The following ADAMTS4 variants were observed in gnomAD, a reference collection of about 807,000 sequenced individuals.
The protein encoded by ADAMTS4 is ADAM metallopeptidase with thrombospondin type 1 motif 4.
Under a neutral mutation model 66.7 loss-of-function variants are expected in ADAMTS4, and 38 were observed. The observed-to-expected ratio is 0.57, with a 90% CI of 0.44 to 0.75. The LOEUF is 0.75. Among genes scored for constraint, ADAMTS4 ranks in the 30% least tolerant of loss-of-function variants. The probability of loss-of-function intolerance (pLI) is 0.00; values close to 1 mark genes in which losing one functional copy is unlikely to be tolerated. For synonymous variants in ADAMTS4, 418 were observed against 461.5 expected, an observed-to-expected ratio of 0.91 and a Z score of 1.21; for missense variants, 1,014 against 1,116.7, an observed-to-expected ratio of 0.91 and a Z score of 1.31.
chr1:161,198,284 G>A lies in ADAMTS4; in HGVS notation c.344C>T (p.Ala115Val), dbSNP rs751288859. The change falls in exon 1 of 9, where the codon GCG (alanine) becomes GTG (valine). Residue 115 changes from alanine (A) to valine (V), a missense_variant. By Grantham distance (64) the Ala-to-Val change is moderately conservative. Transcript: ENST00000367996. This position sits in a 1 kb window ranked among gnomAD's most constrained non-coding sequence, Gnocchi z 4.7. ...EGLTVQYLGQAPELLGGAEPG... is the reference protein window; with the variant it reads ...EGLTVQYLGQVPELLGGAEPG... ...CTCTGCTCCACCCAGCAGCTCAGGC[G>A]CCTGGCCCAGGTACTGCACTGTCAG... 17 of 1,613,612 alleles carry A rather than the reference G, an allele frequency of 1.1e-5. No individual in the cohort carries two copies. In the East Asian group the frequency reaches 2.2e-4, roughly 21 times the overall value.
chr1:161,196,599 C>G lies in ADAMTS4; in HGVS notation c.915G>C (p.Ser305=), dbSNP rs150760814. The G allele has an allele frequency of 5.0e-6, 8 of 1,614,068 alleles. No homozygotes were observed. The Admixed American group carries it at 1.0e-4, about 20-fold the overall frequency. ...WQRGLNTPED[S]DPDHFDTAIL... is the part of the protein sequence containing the mutation. ...TGGCTGTGTCAAAGTGGTCAGGGTC[C>G]GAGTCCTCAGGGGTGTTGAGGCCCC... The change falls in exon 2 of 9, where the codon TCG becomes TCC. Residue 305 remains serine, a synonymous_variant. Transcript: ENST00000367996.
intron 3 of ADAMTS4, 154 bp downstream of exon 3, chr1:161,196,017 T>C: frequency 3.3e-6 from 3 of 912,678 alleles, no homozygotes; most frequent in Admixed American, 3.2e-5. Flanking sequence ...AAAATGTAAA[T>C]GTATGTCTAC....
rs1415855826 is a variant in ADAMTS4, at chr1:161,191,100, G to A, written c.*38C>T. 1 of 1,511,714 alleles carries A rather than the reference G, an allele frequency of 6.6e-7. No homozygotes were observed. The highest frequency in any genetic ancestry group is 8.8e-7 in the Non-Finnish European group (1 of 1,131,532). The allele number at this position is 1,511,714 out of a possible 1,614,324, so 93.6% of individuals were successfully genotyped here. A position where few individuals can be genotyped will look rare whatever the true frequency, so the allele number is the denominator to read the frequency against. On this transcript the variant is annotated 3_prime_UTR_variant, in exon 9 of 9. Transcript: ENST00000367996. ...CTCTCTTTCTCCCAGCTAAGTCCGAGGCCCCGGTGCCCAGAAAGGGCAGCC... is the reference window on the plus strand; with the variant it reads ...CTCTCTTTCTCCCAGCTAAGTCCGAAGCCCCGGTGCCCAGAAAGGGCAGCC...
chr1:161,191,455 C>G lies in ADAMTS4; in HGVS notation c.2197G>C (p.Asp733His), dbSNP rs537956227. 6 of 1,614,204 alleles carry G rather than the reference C, an allele frequency of 3.7e-6. No homozygotes were observed. In the African/African-American group the frequency reaches 5.3e-5, roughly 14 times the overall value. ...RSIYLALKLP[D>H]GSYALNGEYT... ...TCACCATTGAGGGCATAGGAGCCATCTGGCAGCTTCAGGGCCAAGTAGATG... is the reference window on the plus strand; with the variant it reads ...TCACCATTGAGGGCATAGGAGCCATGTGGCAGCTTCAGGGCCAAGTAGATG... Residue 733 changes from aspartate (D) to histidine (H), a missense_variant, in exon 9 of 9, where the codon GAT (aspartate) becomes CAT (histidine). Transcript: ENST00000367996.
intron 3 of ADAMTS4, 95 bp from the exon 4 acceptor site, chr1:161,195,730 A>C (rs1189435583): frequency 7.9e-7 from 1 of 1,271,708 alleles, no homozygotes; most frequent in Non-Finnish European, 1.1e-6. Flanking sequence ...GGATGATCAG[A>C]TCCATTACCC....
rs1664676315 is a variant in ADAMTS4 at position 161,191,392 on chromosome 1, G to A, written c.2260C>T (p.Pro754Ser). 6.2e-7 allele frequency: 1 copy of A among 1,614,092 alleles called. No homozygotes were observed. Residue 754 changes from proline to serine, a missense_variant, in exon 9 of 9, where the codon CCT becomes TCT. Pro to Ser is a moderately conservative substitution (Grantham distance 74). Transcript: ENST00000367996. ...CTGTAGCGCAAGCTGACTGCCCCAG[G>A]CAGTACCACATCTGTGGGGGAGGGC... Reference protein sequence around the residue: ...LMPSPTDVVLPGAVSLRYSGA... With the variant: ...LMPSPTDVVLSGAVSLRYSGA...
At chr1:161,196,045 G>C (rs1571583639) in intron 3 of ADAMTS4, 126 bp downstream of exon 3, 1 of 1,198,562 alleles carries the variant, frequency 8.3e-7, no homozygotes, top group East Asian at 2.5e-5. Flanking sequence ...GCAGAGAGGA[G>C]TAATAGCCCT....
rs777313414 is a variant in ADAMTS4 at position 161,198,006 on chromosome 1, G to A, written c.622C>T (p.Arg208Ter). Reference sequence around the variant, plus strand: ...CCAGAGATGCCTACCTTGGCTCTTCGGGGTCTGGGGCTGGGGCTTCCAAGA... The same window carrying A: ...CCAGAGATGCCTACCTTGGCTCTTCAGGGTCTGGGGCTGGGGCTTCCAAGA... ...APLGSPSPRPRRAKRFASLSR... is the reference protein window; with the variant it reads ...APLGSPSPRP Residue 208 changes from arginine to a stop codon, truncating the protein, a stop_gained, in exon 1 of 9, where the codon CGA (arginine) becomes TGA (stop). Transcript: ENST00000367996. LOFTEE classifies it high-confidence loss of function. This position sits in a 1 kb window ranked among gnomAD's most constrained non-coding sequence, Gnocchi z 4.7. 1.5e-5 allele frequency: 24 copies of A among 1,560,340 alleles called. No individual in the cohort carries two copies. The highest frequency in any genetic ancestry group is 6.8e-5 in the East Asian group (3 of 44,406).
At position 161,196,665 on chromosome 1, in the gene ADAMTS4, G is replaced by A. The variant is rs761049065; in HGVS notation, c.849C>T (p.Pro283=). ...GSGEEGPQVG[P]SAAQTLRSFC... is the part of the protein sequence containing the mutation. ...AGCTGCGCAGGGTCTGGGCAGCACT[G>A]GGCCCCACTTGGGGCCCCTCCTCGC... The change falls in exon 2 of 9, where the codon CCC becomes CCT. Residue 283 remains proline (P), a synonymous_variant. Transcript: ENST00000367996. The A allele has an allele frequency of 3.7e-6, 6 of 1,613,990 alleles. No homozygotes were observed. In the African/African-American group the frequency reaches 6.7e-5, roughly 18 times the overall value.
Position 161,190,734 on chromosome 1 carries a change from C to T in ADAMTS4, c.*404G>A, listed in dbSNP as rs148331590. ...ATCACCACCACCCTGGATTTCCTAG[C>T]CCCAGGGTGAGGGCTATGAGGGGTC... On this transcript the variant is annotated 3_prime_UTR_variant, in exon 9 of 9. Coordinates refer to ENST00000367996, the MANE Select transcript of ADAMTS4 (RefSeq NM_005099.6). 29 of 180,858 alleles carry T rather than the reference C, an allele frequency of 1.6e-4. No homozygotes were observed. The East Asian group carries it at 3.9e-3, about 24-fold the overall frequency. 11.2% of individuals were successfully genotyped at this position (180,858 alleles called of 1,614,324 possible).
rs1376694711 is a variant in ADAMTS4 at position 161,193,006 on chromosome 1, C to T, written c.1911+207G>A. ...AAGAAACCACGGGAAATAGGATAGG[C>T]TAGAGGGACCTATTGGCCACATATC... is the stretch of plus-strand genomic sequence containing the variant. On this transcript the variant is annotated intron_variant, in intron 7 of 8. Coordinates refer to ENST00000367996, the MANE Select transcript of ADAMTS4 (RefSeq NM_005099.6). The surrounding 1 kb of genome is among the most constrained non-coding windows in gnomAD (Gnocchi z 4.4). Among the ~76,000 whole-genome samples the T allele has an allele frequency of 6.6e-6, 1 of 152,178 alleles. No individual in the cohort carries two copies. Among genetic ancestry groups the T allele is most frequent in the Non-Finnish European group, 1.5e-5 (1 of 68,028 alleles).
intron 7 of ADAMTS4, 98 bp from the exon 8 acceptor site, chr1:161,192,338 G>A (rs1284154620): frequency 2.4e-6 from 3 of 1,254,394 alleles, no homozygotes; most frequent in South Asian, 1.5e-5. Flanking sequence ...AAGCAATGTT[G>A]TCGGAAAAGT....
In ADAMTS4 at chr1:161,189,561, TC is replaced by T. The variant is rs760184071; in HGVS notation, c.*1576del. ...AGAGGTGAGGGATGGAATTTTCCTT[TC>T]TCTGTTGGTCCCTCAGAACCCAGGA... On this transcript the variant is annotated 3_prime_UTR_variant, in exon 9 of 9. Coordinates refer to ENST00000367996, the MANE Select transcript of ADAMTS4 (RefSeq NM_005099.6). The T allele has an allele frequency of 1.3e-5, 2 of 152,206 alleles. No homozygotes were observed. Among genetic ancestry groups the T allele is most frequent in the Non-Finnish European group, 2.9e-5 (2 of 68,040 alleles). The allele number at this position is 152,206 out of a possible 1,614,324, so 9.4% of individuals were successfully genotyped here.
At position 161,192,227 on chromosome 1, in the gene ADAMTS4, G is replaced by A; in HGVS notation, c.1925C>T (p.Thr642Ile). The stretch of plus-strand genomic sequence containing the variant: ...CGAGGAGCTGTCCGGGGAACAGGGG[G>A]TCCCATCTACCACCTGAGGAAAAGA... The part of the protein sequence containing the change: ...YVLEPRVVDG[T>I]PCSPDSSSVC... Residue 642 changes from threonine to isoleucine, a missense_variant, in exon 8 of 9, where the codon ACC (threonine) becomes ATC (isoleucine). Transcript: ENST00000367996. The A allele has an allele frequency of 8.7e-6, 14 of 1,613,674 alleles. No individual in the cohort carries two copies. The highest frequency in any genetic ancestry group is 1.2e-5 in the Non-Finnish European group (14 of 1,179,758).
In ADAMTS4 at chr1:161,196,857, A is replaced by C. The variant is rs1396183287; in HGVS notation, c.657T>G (p.Phe219Leu). ...CATCTGCCACCACCAGTGTCTCCAC[A>C]AATCTACTCAGTGAAGCAAAGCGCT... ...RAKRFASLSR[F>L]VETLVVADDK... The change falls in exon 2 of 9, where the codon TTT (phenylalanine) becomes TTG (leucine). Residue 219 changes from phenylalanine (F) to leucine (L), a missense_variant. By Grantham distance (22) the Phe-to-Leu change is conservative. Transcript: ENST00000367996. 1 of 1,604,786 alleles carries C rather than the reference A, an allele frequency of 6.2e-7. No homozygotes were observed. The highest frequency in any genetic ancestry group is 1.7e-5 in the Admixed American group (1 of 59,816).
At position 161,195,524 on chromosome 1, in the gene ADAMTS4, T is replaced by G. The variant is rs1024563441; in HGVS notation, c.1202A>C (p.Glu401Ala). 1.9e-6 allele frequency: 3 copies of G among 1,613,752 alleles called. No individual in the cohort carries two copies. The highest frequency in any genetic ancestry group is 2.5e-6 in the Non-Finnish European group (3 of 1,179,904). ...MAPVMAHVDP[E>A]EPWSPCSARF... is the part of the protein sequence containing the mutation. ...GGCACTGCAGGGGGACCAGGGCTCCTCAGGATCCACATGAGCCATCACAGG... is the reference window on the plus strand; with the variant it reads ...GGCACTGCAGGGGGACCAGGGCTCCGCAGGATCCACATGAGCCATCACAGG... Residue 401 changes from glutamate (E) to alanine (A), a missense_variant, in exon 4 of 9, where the codon GAG (glutamate) becomes GCG (alanine). Transcript: ENST00000367996.
At chr1:161,196,498 G>A (rs1202932734) in intron 2 of ADAMTS4, 59 bp downstream of exon 2, 2 of 1,567,456 alleles carry the variant, frequency 1.3e-6, no homozygotes, top group South Asian at 1.2e-5. Flanking sequence ...CATAGTCTAT[G>A]TAGTGGCGCT....
In ADAMTS4 at chr1:161,185,072, A is replaced by C. The variant is rs974710718; in HGVS notation, c.*6066T>G. The C allele has an allele frequency of 2.8e-4, 42 of 150,468 alleles. No homozygotes were observed. The highest frequency in any genetic ancestry group is 9.8e-4 in the African/African-American group (40 of 40,790). 9.3% of individuals were successfully genotyped at this position (150,468 alleles called of 1,614,324 possible). ...CAGGGGGGGAGGGGGGAGGGATAGCATTAGGAGATATACCTAATGCTAAAT... is the reference window on the plus strand; with the variant it reads ...CAGGGGGGGAGGGGGGAGGGATAGCCTTAGGAGATATACCTAATGCTAAAT... On this transcript the variant is annotated 3_prime_UTR_variant, in exon 9 of 9. Transcript: ENST00000367996.
rs559950580 is a variant in ADAMTS4, at chr1:161,193,969, C to A, written c.1514G>T (p.Arg505Leu). ...CTGGAGCTGGTCCATGTGGAGGCAG[C>A]GACCACCCATGCAGGCCTGTGCGGG... is the stretch of plus-strand genomic sequence containing the variant. The part of the protein sequence containing the change: ...CGPAQACMGG[R>L]CLHMDQLQDF... The change falls in exon 5 of 9, where the codon CGC becomes CTC. Residue 505 changes from arginine to leucine, a missense_variant. Physicochemically the swap from Arg to Leu is moderately radical, Grantham distance 102. Transcript: ENST00000367996. The surrounding 1 kb of genome is among the most constrained non-coding windows in gnomAD (Gnocchi z 4.4). The A allele has an allele frequency of 1.9e-6, 3 of 1,594,386 alleles. No individual in the cohort carries two copies. The South Asian group carries it at 3.4e-5, about 18-fold the overall frequency.
Sources: allele counts gnomAD v4.1 joint callset (sites outside exome capture counted in the v4.1 genomes callset), GRCh38; gene constraint gnomAD v4.1.1; non-coding constraint Gnocchi (gnomAD v3.1); transcripts MANE v1.5; gene names NCBI Gene and HGNC (gene_info 2026-07-23, HGNC 2026-07-21).